The following CLDN10 variants were observed in gnomAD, a reference collection of about 807,000 sequenced individuals.
CLDN10 encodes claudin-10.
Under a neutral mutation model 22.9 loss-of-function variants are expected in CLDN10, and 15 were observed. The observed-to-expected ratio is 0.65, with a 90% CI of 0.44 to 1.01. CLDN10 has a LOEUF of 1.01. CLDN10 is among the 50% of genes least tolerant of loss of function. CLDN10 has a pLI of 0.00. For missense variants in CLDN10, 247 were observed against 287.8 expected, an observed-to-expected ratio of 0.86 and a Z score of 1.03; for synonymous variants, 114 against 111.4, an observed-to-expected ratio of 1.02 and a Z score of -0.15.
Position 95,560,370 on chromosome 13 carries a change from A to G in CLDN10, c.383-12A>G. ...ACACTAACCATAGTGCTTTCCCTCT[A>G]ATATTTGTTAGGGCTGTGCTCAATG... On this transcript the variant is annotated splice_polypyrimidine_tract_variant and intron_variant, in intron 2 of 4. Coordinates refer to ENST00000299339, the MANE Select transcript of CLDN10 (RefSeq NM_006984.5). 6.2e-7 allele frequency: 1 copy of G among 1,613,510 alleles called. No individual in the cohort carries two copies. The highest frequency in any genetic ancestry group is 8.5e-7 in the Non-Finnish European group (1 of 1,179,414).
Position 95,578,008 on chromosome 13 carries a change from T to G in CLDN10, c.681T>G (p.Tyr227Ter). The G allele has an allele frequency of 6.3e-7, 1 of 1,595,418 alleles. No individual in the cohort carries two copies. The highest frequency in any genetic ancestry group is 8.6e-7 in the Non-Finnish European group (1 of 1,164,524). Residue 227 changes from tyrosine (Y) to a stop codon, truncating the protein, a stop_gained, in exon 5 of 5, where the codon TAT becomes TAG. Transcript: ENST00000299339. LOFTEE classifies it high-confidence loss of function. ...CAAAACAGTTTGATAAAAATGCTTA[T>G]GTCTAAAAGAGCTCGCTGGCAAGCT... ...NPSKQFDKNA[Y>*]V
chr13:95,507,469 C>A (rs1274153337), intron 1 of CLDN10, among the ~76,000 whole-genome samples: 27 of 152,050 alleles, frequency 1.8e-4, no homozygotes, highest in Admixed American at 1.8e-3. Context: ...AGGACATAAA[C>A]CTATTTCCTA....
At chr13:95,452,211 G>A (rs529498066) in intron 1 of CLDN10, among the ~76,000 whole-genome samples, 1 of 152,096 alleles carries the variant, frequency 6.6e-6, no homozygotes, top group South Asian at 2.1e-4. Context: ...CGCTGCTCAC[G>A]TTTTCCTTCA....
At position 95,560,145 on chromosome 13, in the gene CLDN10, A is replaced by T. The variant is rs928489675; in HGVS notation, c.234A>T (p.Ala78=). ...CTCTAATTGCAGGTTATATACAGGC[A>T]TGTAGAGGACTTATGATCGCTGCTG... The part of the protein sequence containing the change: ...SMLALDGYIQ[A]CRGLMIAAVS... The change falls in exon 2 of 5, where the codon GCA becomes GCT. Residue 78 remains alanine, a synonymous_variant. Transcript: ENST00000299339. The T allele has an allele frequency of 6.2e-6, 10 of 1,613,828 alleles. No individual in the cohort carries two copies. In the African/African-American group the frequency reaches 1.3e-4, roughly 22 times the overall value.
At chr13:95,468,294 T>C (rs2042598658) in intron 1 of CLDN10, among the ~76,000 whole-genome samples, 1 of 152,224 alleles carries the variant, frequency 6.6e-6, no homozygotes, top group Non-Finnish European at 1.5e-5. Flanking sequence ...GGTTCCTAAG[T>C]CTTTTTGGCA....
chr13:95,451,366 C>A (rs982502592), intron 1 of CLDN10, among the ~76,000 whole-genome samples: 1 of 152,194 alleles, frequency 6.6e-6, no homozygotes, highest in South Asian at 2.1e-4. Context: ...ATTTGTTATT[C>A]AAAGCCTTTT....
intron 1 of CLDN10, among the ~76,000 whole-genome samples, chr13:95,530,090 G>C (rs1269422961): frequency 6.6e-6 from 1 of 151,970 alleles, no homozygotes; most frequent in East Asian, 1.9e-4. Context: ...ACACCAACCA[G>C]AAAGTGTGTG....
chr13:95,507,096 A>T (rs991403091), intron 1 of CLDN10, among the ~76,000 whole-genome samples: 1 of 152,238 alleles, frequency 6.6e-6, no homozygotes, highest in Non-Finnish European at 1.5e-5. Context: ...TTAAGAATAA[A>T]TATAGAAAGA....
At chr13:95,505,793 C>T (rs1053633809) in intron 1 of CLDN10, among the ~76,000 whole-genome samples, 1 of 122,760 alleles carries the variant, frequency 8.1e-6, no homozygotes, top group Non-Finnish European at 1.6e-5. Context: ...CTCGCTCTGT[C>T]GTCCAGGCTG....
intron 1 of CLDN10, among the ~76,000 whole-genome samples, chr13:95,456,000 A>G (rs1377128720): frequency 6.6e-6 from 1 of 152,276 alleles, no homozygotes; most frequent in Non-Finnish European, 1.5e-5. Flanking sequence ...TAGCTAAGTT[A>G]GACTTCAAGA....
At chr13:95,488,608 A>T (rs564551113) in intron 1 of CLDN10, among the ~76,000 whole-genome samples, 143 of 152,260 alleles carry the variant, frequency 9.4e-4, no homozygotes, top group Admixed American at 1.8e-3. Context: ...CAGTGAGAAC[A>T]TATGATGTTT....
At chr13:95,444,050 T>C (rs1337384433) in intron 1 of CLDN10, among the ~76,000 whole-genome samples, 7 of 152,196 alleles carry the variant, frequency 4.6e-5, no homozygotes, top group Non-Finnish European at 1.0e-4. Flanking sequence ...CTGGTGAACA[T>C]GTAGTGTAGA....
At chr13:95,486,101 C>T (rs2138505789) in intron 1 of CLDN10, among the ~76,000 whole-genome samples, 1 of 152,284 alleles carries the variant, frequency 6.6e-6, no homozygotes, top group Middle Eastern at 3.4e-3. Context: ...TCCATCCATT[C>T]TGAGTAGCTT....
At chr13:95,503,038 A>AT (rs2043002641) in intron 1 of CLDN10, among the ~76,000 whole-genome samples, 2 of 152,350 alleles carry the variant, frequency 1.3e-5, no homozygotes, top group South Asian at 4.1e-4. Context: ...GGTTGGCTCT[A>AT]TCTTGTGGTA....
chr13:95,565,996 G>A (rs1166550282), intron 3 of CLDN10, among the ~76,000 whole-genome samples: 1 of 152,120 alleles, frequency 6.6e-6, no homozygotes, highest in Admixed American at 6.5e-5. Context: ...TGGTGTATAT[G>A]TGCCACATTT....
chr13:95,544,032 C>G (rs1226319035), intron 1 of CLDN10, among the ~76,000 whole-genome samples: 1 of 152,034 alleles, frequency 6.6e-6, no homozygotes, highest in East Asian at 1.9e-4. Context: ...AACATTCTAC[C>G]AATCTTAATC....
Position 95,469,040 on chromosome 13 carries a change from C to A in CLDN10, c.214+34993C>A, listed in dbSNP as rs190053578. ...ACCTTACTATCAGAAAATATCATAT[C>A]AGAGAAAAAATTATTCTAAAAAGAG... On this transcript the variant is annotated intron_variant, in intron 1 of 4. Transcript: ENST00000376873. 3.0e-4 allele frequency among the ~76,000 whole-genome samples: 45 copies of A among 151,704 alleles called. No individual in the cohort carries two copies. The East Asian group carries it at 7.1e-3, about 24-fold the overall frequency.
intron 1 of CLDN10, among the ~76,000 whole-genome samples, chr13:95,536,829 A>G (rs1381778644): frequency 6.6e-6 from 1 of 152,230 alleles, no homozygotes; most frequent in African/African-American, 2.4e-5. Context: ...GAAATGTCTT[A>G]ACAATCTTTA....
At chr13:95,545,158 T>C (rs1326293317) in intron 1 of CLDN10, among the ~76,000 whole-genome samples, 1 of 152,194 alleles carries the variant, frequency 6.6e-6, no homozygotes, top group Non-Finnish European at 1.5e-5. Flanking sequence ...TTCAGATTTA[T>C]ACATTTTTGA....
Sources: gnomAD v4.1 joint callset for allele counts (sites outside exome capture counted in the v4.1 genomes callset) on GRCh38, gnomAD v4.1.1 for gene constraint, MANE v1.5 for transcripts, NCBI Gene and HGNC (gene_info 2026-07-23, HGNC 2026-07-21) for gene names.